The following AHCTF1 variants were observed in gnomAD, a reference collection of about 807,000 sequenced individuals.
The protein encoded by AHCTF1 is AT-hook containing transcription factor 1.
AHCTF1 carries 24 observed loss-of-function variants against 248.4 expected under a neutral mutation model. The ratio of observed to expected loss-of-function variants is 0.10; its 90% CI spans 0.07 to 0.14. The LOEUF (loss-of-function observed/expected upper bound fraction) is 0.14, where lower values mean the gene tolerates loss of function less well. Among genes scored for constraint, AHCTF1 ranks in the 10% least tolerant of loss-of-function variants. The probability of loss-of-function intolerance (pLI) is 1.00; values close to 1 mark genes in which losing one functional copy is unlikely to be tolerated. For missense variants in AHCTF1, 2,206 were observed against 2,636.2 expected (o/e 0.84, Z 3.57); for synonymous variants, 786 against 929.8 (o/e 0.85, Z 2.81).
In AHCTF1 at chr1:246,929,410, AAAAAAT is replaced by A. The variant is rs10666626; in HGVS notation, c.-8+2162_-8+2167del. ...GGCTACAAAGTGAGACTCCGTCTCA[AAAAAAT>A]AAAAATAAAAATAAAAATACAGTGA... On this transcript the variant is annotated intron_variant, in intron 1 of 35. Coordinates refer to ENST00000648844, the MANE Select transcript of AHCTF1 (RefSeq NM_001323342.2). Among the ~76,000 whole-genome samples the A allele has an allele frequency of 4.0e-4, 59 of 149,276 alleles. 1 individual carries two copies. Among genetic ancestry groups the A allele is most frequent in the Admixed American group, 6.0e-4 (9 of 14,922 alleles).
chr1:246,869,590 CT>C (rs1662413218), intron 24 of AHCTF1, among the ~76,000 whole-genome samples: 1 of 151,968 alleles, frequency 6.6e-6, no homozygotes, highest in South Asian at 2.1e-4. Flanking sequence ...TCCTAAGGCC[CT>C]TAAAAATGAT....
chr1:246,926,643 G>C (rs1052226981), intron 1 of AHCTF1, among the ~76,000 whole-genome samples: 6 of 151,958 alleles, frequency 3.9e-5, no homozygotes, highest in African/African-American at 1.5e-4. Flanking sequence ...ATCACCTGAG[G>C]TCAGGAGTTC....
At chr1:246,919,007 G>T (rs1666340103) in intron 1 of AHCTF1, among the ~76,000 whole-genome samples, 1 of 152,176 alleles carries the variant, frequency 6.6e-6, no homozygotes, top group Non-Finnish European at 1.5e-5. Context: ...TCTTTTGCAG[G>T]ATAGAAATAA....
chr1:246,905,766 A>G (rs1665344791), intron 5 of AHCTF1, 109 bp from the exon 6 acceptor site: 6 of 766,776 alleles, frequency 7.8e-6, no homozygotes, highest in African/African-American at 1.8e-5. Context: ...ACTTCCCCAG[A>G]ATAAGTGATC....
intron 13 of AHCTF1, among the ~76,000 whole-genome samples, 199 bp from the exon 14 acceptor site, chr1:246,894,947 T>C (rs569936812): frequency 6.6e-6 from 1 of 150,888 alleles, no homozygotes; most frequent in East Asian, 2.0e-4. Context: ...CCGCCAAAAA[T>C]GCAAAAACTG....
chr1:246,876,579 G>C (rs1662981418), intron 23 of AHCTF1, among the ~76,000 whole-genome samples: 1 of 152,172 alleles, frequency 6.6e-6, no homozygotes. Flanking sequence ...TGAAGAATTA[G>C]TCTGACCCTT....
intron 11 of AHCTF1, among the ~76,000 whole-genome samples, chr1:246,899,117 CTTT>C (rs571885337): frequency 4.7e-5 from 7 of 148,192 alleles, no homozygotes; most frequent in South Asian, 2.1e-4. Flanking sequence ...TTTCAAAATT[CTTT>C]TTTTTTTTCC....
chr1:246,897,471 C>A (rs1377425454), intron 12 of AHCTF1, among the ~76,000 whole-genome samples: 1 of 152,136 alleles, frequency 6.6e-6, no homozygotes, highest in Non-Finnish European at 1.5e-5. Context: ...GGGATACATT[C>A]CGATGAATGT....
Position 246,892,755 on chromosome 1 carries a change from C to A in AHCTF1, c.1805-836G>T, listed in dbSNP as rs114685372. Among the ~76,000 whole-genome samples the A allele has an allele frequency of 8.3e-3, 1,264 of 152,210 alleles. 22 individuals are homozygous for A. The highest frequency in any genetic ancestry group is 0.028 in the African/African-American group (1,153 of 41,512). On this transcript the variant is annotated intron_variant, in intron 14 of 35. Coordinates refer to ENST00000648844, the MANE Select transcript of AHCTF1 (RefSeq NM_001323342.2). The stretch of plus-strand genomic sequence containing the variant: ...CAAGTGTTCCTCCTAGCTCAGCCTC[C>A]CAAGGAGCTGGGACTATAGGCATGT...
chr1:246,849,514 G>T, intron 33 of AHCTF1, 101 bp downstream of exon 33: 1 of 1,454,142 alleles, frequency 6.9e-7, no homozygotes. Flanking sequence ...GAGGGGGGAA[G>T]GGGAAAAATT....
Position 246,861,315 on chromosome 1 carries a change from A to G in AHCTF1, c.3736-20T>C. The G allele has an allele frequency of 6.3e-7, 1 of 1,577,302 alleles. No individual in the cohort carries two copies. The highest frequency in any genetic ancestry group is 1.8e-5 in the Admixed American group (1 of 56,012). ...TGCAGCCTGTAAAGTAAGATTTTGA[A>G]AAGAAAAAAATTAGTAAATATCACA... is the stretch of plus-strand genomic sequence containing the variant. On this transcript the variant is annotated intron_variant, in intron 28 of 35. Transcript: ENST00000648844.
chr1:246,898,093 A>G lies in AHCTF1; in HGVS notation c.1623+115T>C, dbSNP rs1172617559. ...CCACAACTGCTGATCACCCAGAGTC[A>G]GCATTACACTACTTCACCTATTTTT... On this transcript the variant is annotated intron_variant, in intron 12 of 35. Transcript: ENST00000648844. 2.1e-6 allele frequency: 3 copies of G among 1,405,744 alleles called. No homozygotes were observed. The Admixed American group carries it at 6.4e-5, about 30-fold the overall frequency. 87.1% of individuals were successfully genotyped at this position (1,405,744 alleles called of 1,614,324 possible).
In AHCTF1 at chr1:246,861,100, A is replaced by G. The variant is rs1365248177; in HGVS notation, c.3931T>C (p.Ser1311Pro). The G allele has an allele frequency of 6.2e-7, 1 of 1,613,948 alleles. No individual in the cohort carries two copies. The highest frequency in any genetic ancestry group is 1.3e-5 in the African/African-American group (1 of 74,908). ...AAGGTAGTCTCATCGGATGTGATTG[A>G]AACACTGCTGTTTCCTTTGCTCACA... ...LDVSKGNSSV[S>P]ITSDETTLEY... The change falls in exon 29 of 36, where the codon TCA becomes CCA. Residue 1311 changes from serine to proline, a missense_variant. Physicochemically the swap from Ser to Pro is moderately conservative, Grantham distance 74 (BLOSUM62 -1). Transcript: ENST00000648844.
At chr1:246,930,396 C>A (rs938512271) in intron 1 of AHCTF1, among the ~76,000 whole-genome samples, 2 of 152,106 alleles carry the variant, frequency 1.3e-5, no homozygotes, top group African/African-American at 4.8e-5. Context: ...ACTGAAGGAT[C>A]AGGATCCAAA....
intron 24 of AHCTF1, among the ~76,000 whole-genome samples, chr1:246,869,079 C>CAT (rs1361586220): frequency 6.6e-5 from 10 of 150,490 alleles, no homozygotes; most frequent in South Asian, 2.1e-4. Context: ...CTCCTGACCT[C>CAT]GTGATCCGCC....
chr1:246,875,206 C>A (rs1396540703), intron 24 of AHCTF1, among the ~76,000 whole-genome samples: 1 of 152,064 alleles, frequency 6.6e-6, no homozygotes, highest in East Asian at 1.9e-4. Context: ...CACAACCTCT[C>A]CCCTCTCCAT....
rs1659660416 is a variant in AHCTF1 at position 246,839,170 on chromosome 1, ATATG to A, written c.*1632_*1635del. ...GTAAGTACATACATTCATTTAAAAT[ATATG>A]TAAAGTTCATTTAGAACAGGCAATT... On this transcript the variant is annotated 3_prime_UTR_variant, in exon 36 of 36. Transcript: ENST00000648844. 1 of 152,256 alleles carries A rather than the reference ATATG, an allele frequency of 6.6e-6. No individual in the cohort carries two copies. The highest frequency in any genetic ancestry group is 2.4e-5 in the African/African-American group (1 of 41,470). 9.4% of individuals were successfully genotyped at this position (152,256 alleles called of 1,614,324 possible). A position where few individuals can be genotyped will look rare whatever the true frequency, so the allele number is the denominator to read the frequency against.
chr1:246,849,504 GA>G (rs1474252224), intron 33 of AHCTF1, 110 bp downstream of exon 33: 2 of 1,402,342 alleles, frequency 1.4e-6, no homozygotes, highest in Non-Finnish European at 1.9e-6. Flanking sequence ...ATTTTGGTTT[GA>G]GGGGGGAAGG....
At chr1:246,846,686 T>C (rs1330043944) in intron 33 of AHCTF1, among the ~76,000 whole-genome samples, 2 of 149,896 alleles carry the variant, frequency 1.3e-5, no homozygotes, top group Admixed American at 1.3e-4. Flanking sequence ...AATGCCAATA[T>C]GAAAAAAAAA....
Sources: allele counts gnomAD v4.1 joint callset (sites outside exome capture counted in the v4.1 genomes callset), GRCh38; gene constraint gnomAD v4.1.1; transcripts MANE v1.5; gene names NCBI Gene and HGNC (gene_info 2026-07-23, HGNC 2026-07-21).